CTNND2: variants seen among roughly 807,000 people sequenced by gnomAD.
CTNND2 encodes catenin delta-2.
Under a neutral mutation model 144.4 loss-of-function variants are expected in CTNND2, and 22 were observed. The ratio of observed to expected loss-of-function variants is 0.15; its 90% CI spans 0.11 to 0.22. The LOEUF (loss-of-function observed/expected upper bound fraction) is 0.22, where lower values mean the gene tolerates loss of function less well. Ranked by LOEUF, CTNND2 falls within the 10% of genes least tolerant of loss-of-function variation. The pLI is 1.00. For missense variants in CTNND2, 1,353 were observed against 1,618.8 expected (o/e 0.84, Z 2.82); for synonymous variants, 751 against 695.6 (o/e 1.08, Z -1.25).
intron 1 of CTNND2, among the ~76,000 whole-genome samples, chr5:11,786,310 AT>A (rs1323777995): frequency 6.6e-6 from 1 of 152,156 alleles, no homozygotes; most frequent in African/African-American, 2.4e-5. Flanking sequence ...CAATTTGCAT[AT>A]TTCCTGGAGA....
At chr5:11,631,534 C>T (rs927474090) in intron 2 of CTNND2, among the ~76,000 whole-genome samples, 1 of 151,218 alleles carries the variant, frequency 6.6e-6, no homozygotes, top group African/African-American at 2.5e-5. Flanking sequence ...CTGTACTCTA[C>T]TTTGAGTGGT....
At chr5:11,646,637 CAAGT>C (rs1782373452) in intron 2 of CTNND2, among the ~76,000 whole-genome samples, 1 of 58,698 alleles carries the variant, frequency 1.7e-5, no homozygotes, top group African/African-American at 1.6e-4. Context: ...TAGGAAATAT[CAAGT>C]AAATTTCGTT....
At chr5:11,580,141 G>A (rs969258681) in intron 2 of CTNND2, among the ~76,000 whole-genome samples, 1 of 151,410 alleles carries the variant, frequency 6.6e-6, no homozygotes, top group African/African-American at 2.4e-5. Flanking sequence ...TTCTCAAAAA[G>A]CAATGTCCTC....
At chr5:11,616,248 T>C (rs1029540993) in intron 2 of CTNND2, among the ~76,000 whole-genome samples, 18 of 152,334 alleles carry the variant, frequency 1.2e-4, no homozygotes, top group Admixed American at 3.3e-4. Flanking sequence ...TTTCTTCAAC[T>C]CTTTTTTGTC....
At chr5:11,280,001 AACCT>A (rs1224034340) in intron 9 of CTNND2, among the ~76,000 whole-genome samples, 23 of 152,174 alleles carry the variant, frequency 1.5e-4, no homozygotes, top group African/African-American at 5.3e-4. Context: ...TTACAAATTC[AACCT>A]GAAATTTGGT....
At chr5:11,817,413 GA>G (rs1561829694) in intron 1 of CTNND2, among the ~76,000 whole-genome samples, 7 of 510 alleles carry the variant, frequency 0.014, no homozygotes, top group Admixed American at 0.05. Context: ...AGAGGAGGGA[GA>G]GAGAGAGAGA....
intron 8 of CTNND2, among the ~76,000 whole-genome samples, chr5:11,351,927 C>T (rs1356342520): frequency 6.6e-6 from 1 of 152,116 alleles, no homozygotes; most frequent in Non-Finnish European, 1.5e-5. Flanking sequence ...GGCCTACATA[C>T]TTGGAATTCA....
chr5:11,621,346 G>T (rs927590999), intron 2 of CTNND2, among the ~76,000 whole-genome samples: 5 of 152,054 alleles, frequency 3.3e-5, no homozygotes, highest in African/African-American at 1.2e-4. Context: ...TTTGTAAGTA[G>T]GTTTGAATTA....
At chr5:11,579,357 C>T (rs749352893) in intron 2 of CTNND2, among the ~76,000 whole-genome samples, 1 of 152,090 alleles carries the variant, frequency 6.6e-6, no homozygotes, top group Non-Finnish European at 1.5e-5. Flanking sequence ...AGCCATCACC[C>T]GTCTACATTG....
At chr5:11,527,618 C>T (rs953943096) in intron 3 of CTNND2, among the ~76,000 whole-genome samples, 1 of 152,212 alleles carries the variant, frequency 6.6e-6, no homozygotes, top group Non-Finnish European at 1.5e-5. Context: ...CAAGGCATCT[C>T]TGAGACTTTT....
intron 2 of CTNND2, among the ~76,000 whole-genome samples, chr5:11,721,401 C>T (rs1581774786): frequency 6.6e-6 from 1 of 151,934 alleles, no homozygotes; most frequent in African/African-American, 2.4e-5. Flanking sequence ...CCCCAGGCTA[C>T]ATAGAATCGT....
chr5:11,902,909 G>A (rs1299146084), intron 1 of CTNND2: 1 of 151,334 alleles, frequency 6.6e-6, no homozygotes, highest in Non-Finnish European at 1.5e-5. Flanking sequence ...TGTTATTTGT[G>A]ACACACACAC....
At chr5:11,555,516 G>T (rs756608456) in intron 3 of CTNND2, among the ~76,000 whole-genome samples, 1 of 152,130 alleles carries the variant, frequency 6.6e-6, no homozygotes, top group Non-Finnish European at 1.5e-5. Context: ...TGCTATTCGG[G>T]AGGAGAAAGA....
chr5:11,158,900 T>A (rs1290769832), intron 12 of CTNND2, among the ~76,000 whole-genome samples: 2 of 152,158 alleles, frequency 1.3e-5, no homozygotes, highest in South Asian at 2.1e-4. Context: ...GTTTCTAGAG[T>A]TTAGAAGAAT....
intron 18 of CTNND2, among the ~76,000 whole-genome samples, chr5:11,013,546 T>G (rs1413903570): frequency 6.6e-6 from 1 of 152,202 alleles, no homozygotes; most frequent in Non-Finnish European, 1.5e-5. Context: ...CCAGGAAGGC[T>G]ATTGCAGAGA....
intron 1 of CTNND2, among the ~76,000 whole-genome samples, chr5:11,851,749 T>C (rs1279473897): frequency 6.6e-6 from 1 of 152,226 alleles, no homozygotes; most frequent in African/African-American, 2.4e-5. Flanking sequence ...ATTTGTGATT[T>C]TGGTAAACAC....
chr5:11,642,260 T>C (rs575222470), intron 2 of CTNND2, among the ~76,000 whole-genome samples: 1 of 152,278 alleles, frequency 6.6e-6, no homozygotes, highest in African/African-American at 2.4e-5. Flanking sequence ...ATCCCTGTCC[T>C]TGTGGAGCTT....
chr5:11,641,783 T>TACATACACGTGTAC (rs1465490312), intron 2 of CTNND2, among the ~76,000 whole-genome samples: 33 of 145,330 alleles, frequency 2.3e-4, no homozygotes, highest in Non-Finnish European at 4.6e-4. Flanking sequence ...TGTATGTACA[T>TACATACACGTGTAC]ACATACACGT....
intron 2 of CTNND2, among the ~76,000 whole-genome samples, chr5:11,611,199 A>T (rs546403884): frequency 2.5e-4 from 38 of 152,212 alleles, no homozygotes; most frequent in African/African-American, 8.4e-4. Context: ...GTGAAGAATG[A>T]TGTGTTTGCT....
Sources: allele counts gnomAD v4.1 joint callset (sites outside exome capture counted in the v4.1 genomes callset), GRCh38; gene constraint gnomAD v4.1.1; transcripts MANE v1.5; gene names NCBI Gene and HGNC (gene_info 2026-07-23, HGNC 2026-07-21).